The following PRKG1 variants were observed in gnomAD, a reference collection of about 807,000 sequenced individuals.
PRKG1 encodes the protein cGMP-dependent protein kinase 1.
In PRKG1, 35 loss-of-function variants were observed where a neutral mutation model predicts 88.1. The ratio of observed to expected loss-of-function variants is 0.40; its 90% CI spans 0.30 to 0.53. PRKG1 has a LOEUF of 0.53. Among genes scored for constraint, PRKG1 ranks in the 20% least tolerant of loss-of-function variants. PRKG1 has a pLI of 0.59. For missense variants in PRKG1, 540 were observed against 839.8 expected (o/e 0.64, Z 4.41); for synonymous variants, 303 against 292.5 (o/e 1.04, Z -0.37).
chr10:51,154,318 G>C (rs1484178058), intron 2 of PRKG1, among the ~76,000 whole-genome samples: 1 of 151,764 alleles, frequency 6.6e-6, no homozygotes, highest in East Asian at 1.9e-4. Flanking sequence ...AGACATTTTT[G>C]GTTGTCACAA....
intron 2 of PRKG1, among the ~76,000 whole-genome samples, chr10:51,342,651 C>T (rs1486201541): frequency 6.6e-6 from 1 of 152,064 alleles, no homozygotes; most frequent in Non-Finnish European, 1.5e-5. Flanking sequence ...TGAGTCACTT[C>T]TATACTCTCC....
chr10:51,575,062 G>A (rs923507121), intron 3 of PRKG1, among the ~76,000 whole-genome samples: 1 of 151,970 alleles, frequency 6.6e-6, no homozygotes, highest in African/African-American at 2.4e-5. Flanking sequence ...CTGGTAGCTT[G>A]TTAAATGTTC....
intron 2 of PRKG1, among the ~76,000 whole-genome samples, chr10:51,229,948 A>AT (rs1838797673): frequency 1.3e-5 from 2 of 149,924 alleles, no homozygotes; most frequent in African/African-American, 2.5e-5. Flanking sequence ...AAAAAAAAAA[A>AT]GAAAAAGAAA....
intron 3 of PRKG1, among the ~76,000 whole-genome samples, chr10:51,666,614 G>A (rs576829604): frequency 6.6e-6 from 1 of 152,154 alleles, no homozygotes; most frequent in African/African-American, 2.4e-5. Context: ...TGAAATATCT[G>A]CTAGTTCTGA....
intron 2 of PRKG1, among the ~76,000 whole-genome samples, chr10:51,219,100 G>A (rs981391011): frequency 2.6e-5 from 4 of 152,232 alleles, no homozygotes; most frequent in South Asian, 4.2e-4. Flanking sequence ...TAATGAATAT[G>A]AAATTTTAAT....
At chr10:51,751,611 T>A (rs1405598473) in intron 3 of PRKG1, among the ~76,000 whole-genome samples, 1 of 152,204 alleles carries the variant, frequency 6.6e-6, no homozygotes, top group African/African-American at 2.4e-5. Context: ...TACTCTATAC[T>A]AATTATTTTA....
chr10:51,036,331 T>C (rs1041926710), intron 1 of PRKG1, among the ~76,000 whole-genome samples: 4 of 152,198 alleles, frequency 2.6e-5, no homozygotes, highest in Admixed American at 2.6e-4. Context: ...AACAGATGAA[T>C]GACAGGTATT....
At chr10:52,062,760 T>C in intron 7 of PRKG1, 129 bp downstream of exon 7, 1 of 751,274 alleles carries the variant, frequency 1.3e-6, no homozygotes, top group Non-Finnish European at 2.4e-6. Flanking sequence ...GGACCCTTGA[T>C]GATAAATACA....
intron 3 of PRKG1, among the ~76,000 whole-genome samples, chr10:51,652,372 TG>T (rs1233300085): frequency 1.3e-5 from 2 of 151,868 alleles, no homozygotes; most frequent in African/African-American, 4.8e-5. Flanking sequence ...GGAAATTGAT[TG>T]GCTTGTAATT....
intron 2 of PRKG1, among the ~76,000 whole-genome samples, chr10:51,454,270 A>C (rs1326896291): frequency 6.6e-6 from 1 of 152,088 alleles, no homozygotes; most frequent in Non-Finnish European, 1.5e-5. Context: ...GGAACTAAAA[A>C]TGAGCCTGCC....
chr10:51,563,757 G>A (rs940657497), intron 3 of PRKG1, among the ~76,000 whole-genome samples: 3 of 152,106 alleles, frequency 2.0e-5, no homozygotes, highest in African/African-American at 7.2e-5. Flanking sequence ...ATGCTTCTCA[G>A]AAGAACCCAA....
intron 5 of PRKG1, among the ~76,000 whole-genome samples, chr10:51,938,000 G>A (rs569205167): frequency 5.9e-5 from 9 of 152,034 alleles, no homozygotes; most frequent in Admixed American, 4.6e-4. Flanking sequence ...GACATCGTCC[G>A]CTCCTGACTT....
At chr10:51,713,099 T>A (rs1841801655) in intron 3 of PRKG1, among the ~76,000 whole-genome samples, 1 of 152,194 alleles carries the variant, frequency 6.6e-6, no homozygotes, top group Non-Finnish European at 1.5e-5. Context: ...AGGAAAATCA[T>A]TAACTCCTAA....
intron 5 of PRKG1, among the ~76,000 whole-genome samples, chr10:52,036,901 T>C (rs1411406467): frequency 6.6e-6 from 1 of 152,180 alleles, no homozygotes; most frequent in Non-Finnish European, 1.5e-5. Flanking sequence ...GAAAAGAAGG[T>C]AATGTGGAGT....
At chr10:51,592,588 C>A (rs1304547594) in intron 3 of PRKG1, among the ~76,000 whole-genome samples, 1 of 152,064 alleles carries the variant, frequency 6.6e-6, no homozygotes, top group South Asian at 2.1e-4. Context: ...TTCGTCTGTC[C>A]CTAGGACTAG....
chr10:51,084,511 T>C (rs1165215439), intron 1 of PRKG1, among the ~76,000 whole-genome samples: 2 of 152,234 alleles, frequency 1.3e-5, no homozygotes, highest in African/African-American at 4.8e-5. Context: ...AGATCATAAA[T>C]GTAAATTAAA....
chr10:51,840,825 T>G (rs1840257065), intron 4 of PRKG1, among the ~76,000 whole-genome samples: 1 of 152,016 alleles, frequency 6.6e-6, no homozygotes, highest in Non-Finnish European at 1.5e-5. Context: ...GGATTACAGG[T>G]ATGACCCACA....
Position 52,062,617 on chromosome 10 carries a change from G to A in PRKG1, c.921G>A (p.Glu307=), listed in dbSNP as rs1425697223. 1 of 1,605,242 alleles carries A rather than the reference G, an allele frequency of 6.2e-7. No individual in the cohort carries two copies. Among genetic ancestry groups the A allele is most frequent in the Non-Finnish European group, 8.5e-7 (1 of 1,175,056 alleles). ...RTLGKGDWFG[E]KALQGEDVRT... ...TAGGAAAAGGAGACTGGTTTGGAGA[G>A]AAAGCCTTGCAGGGGTAAGTAGATC... is the stretch of plus-strand genomic sequence containing the variant. The change falls in exon 7 of 18, where the codon GAG becomes GAA. Residue 307 remains glutamate, a synonymous_variant. Transcript: ENST00000373980.
intron 2 of PRKG1, among the ~76,000 whole-genome samples, chr10:51,460,311 G>T (rs888482665): frequency 3.9e-5 from 6 of 152,096 alleles, no homozygotes; most frequent in Non-Finnish European, 8.8e-5. Flanking sequence ...GATAGTGATT[G>T]TAGTACTCTT....
Sources: allele counts gnomAD v4.1 joint callset (sites outside exome capture counted in the v4.1 genomes callset), GRCh38; gene constraint gnomAD v4.1.1; transcripts MANE v1.5; gene names NCBI Gene and HGNC (gene_info 2026-07-23, HGNC 2026-07-21).